The following OXR1 variants were observed in gnomAD, a reference collection of about 807,000 sequenced individuals.
OXR1 encodes the protein oxidation resistance 1, also known as oxidation resistance protein 1.
OXR1 carries 41 observed loss-of-function variants against 104.6 expected under a neutral mutation model. The observed-to-expected ratio is 0.39, with a 90% CI of 0.31 to 0.51. OXR1 has a LOEUF of 0.51. OXR1 is among the 20% of genes least tolerant of loss of function. The pLI, the probability that OXR1 is intolerant of heterozygous loss-of-function variation, is 0.77. For synonymous variants in OXR1, 348 were observed against 348.4 expected (o/e 1.00, Z 0.01); for missense variants, 955 against 1,031.9 (o/e 0.93, Z 1.02).
chr8:106,581,269 T>C, intron 3 of OXR1: 3 of 1,282,552 alleles, frequency 2.3e-6, no homozygotes, highest in Middle Eastern at 2.1e-4. Flanking sequence ...TCTGAAATCA[T>C]GCCTTTCTAT....
chr8:106,599,851 G>T (rs1373202566), intron 3 of OXR1, among the ~76,000 whole-genome samples: 3 of 152,160 alleles, frequency 2.0e-5, no homozygotes, highest in Non-Finnish European at 4.4e-5. Context: ...GTTGGGGGTT[G>T]GGGAGATGGT....
rs143745978 is a variant in OXR1 at position 106,357,202 on chromosome 8, A to ATGTG, written c.-138-2260_-138-2257dup. Among the ~76,000 whole-genome samples, 414 of 150,808 alleles carry ATGTG rather than the reference A, an allele frequency of 2.7e-3. 1 individual carries two copies. The highest frequency in any genetic ancestry group is 9.7e-3 in the African/African-American group (398 of 41,116). On this transcript the variant is annotated intron_variant, in intron 1 of 16. Transcript: ENST00000517566. ...CAATATTCCATATATATGTGTATATATGTGTGTGTGTGTGTGTATATATAT... is the reference window on the plus strand; with the variant it reads ...CAATATTCCATATATATGTGTATATATGTGTGTGTGTGTGTGTGTGTATATATAT...
intron 3 of OXR1, among the ~76,000 whole-genome samples, chr8:106,642,928 T>A (rs1468351528): frequency 6.6e-6 from 1 of 152,190 alleles, no homozygotes; most frequent in African/African-American, 2.4e-5. Context: ...ATAAATGAGT[T>A]CTGGGTGATG....
intron 3 of OXR1, among the ~76,000 whole-genome samples, chr8:106,558,850 C>A (rs1205790881): frequency 1.3e-5 from 2 of 152,118 alleles, no homozygotes; most frequent in Non-Finnish European, 2.9e-5. Context: ...GTCTGTCCAT[C>A]CCTCCTACCC....
At chr8:106,525,907 C>A (rs1283616223) in intron 3 of OXR1, among the ~76,000 whole-genome samples, 1 of 152,160 alleles carries the variant, frequency 6.6e-6, no homozygotes, top group Non-Finnish European at 1.5e-5. Context: ...TTTACACAGC[C>A]ATTTATAGTC....
chr8:106,574,952 C>T (rs1263655054), intron 3 of OXR1, among the ~76,000 whole-genome samples: 1 of 152,138 alleles, frequency 6.6e-6, no homozygotes, highest in Non-Finnish European at 1.5e-5. Flanking sequence ...ATTAAGTTAT[C>T]TTTAGTTGGT....
intron 2 of OXR1, among the ~76,000 whole-genome samples, chr8:106,361,724 T>C (rs543109715): frequency 2.0e-5 from 3 of 152,328 alleles, no homozygotes; most frequent in African/African-American, 4.8e-5. Flanking sequence ...CATCATTACA[T>C]TAATTTAGTT....
At chr8:106,426,218 G>A (rs1016729883) in intron 2 of OXR1, among the ~76,000 whole-genome samples, 1 of 152,034 alleles carries the variant, frequency 6.6e-6, no homozygotes, top group Non-Finnish European at 1.5e-5. Context: ...GAGGTACTTA[G>A]AACAGGACCT....
At chr8:106,316,115 T>C (rs1813926168) in intron 1 of OXR1, among the ~76,000 whole-genome samples, 1 of 152,232 alleles carries the variant, frequency 6.6e-6, no homozygotes, top group African/African-American at 2.4e-5. Flanking sequence ...TTCACTGATG[T>C]GGCTCAACAT....
chr8:106,652,582 A>G (rs1357378688), intron 3 of OXR1, among the ~76,000 whole-genome samples: 2 of 152,040 alleles, frequency 1.3e-5, no homozygotes, highest in East Asian at 3.8e-4. Flanking sequence ...AAACTAAAGT[A>G]CAATATACCA....
At chr8:106,379,572 T>C (rs1417050230) in intron 2 of OXR1, among the ~76,000 whole-genome samples, 1 of 140,764 alleles carries the variant, frequency 7.1e-6, no homozygotes, top group Non-Finnish European at 1.5e-5. Context: ...AGAGTCTCTC[T>C]CTGTCACCCC....
intron 2 of OXR1, among the ~76,000 whole-genome samples, chr8:106,456,403 A>G (rs553333243): frequency 9.1e-4 from 138 of 152,332 alleles, no homozygotes; most frequent in Non-Finnish European, 1.6e-3. Flanking sequence ...AACATTATTT[A>G]TCTTAAAAAA....
At chr8:106,344,360 C>A (rs145798097) in intron 1 of OXR1, among the ~76,000 whole-genome samples, 1 of 152,068 alleles carries the variant, frequency 6.6e-6, no homozygotes, top group African/African-American at 2.4e-5. Context: ...TTTTTTGAGA[C>A]GGTGTCTCGC....
intron 2 of OXR1, among the ~76,000 whole-genome samples, chr8:106,383,526 G>T (rs1160673454): frequency 6.6e-6 from 1 of 152,108 alleles, no homozygotes; most frequent in Non-Finnish European, 1.5e-5. Context: ...AAATCTATAA[G>T]GATTATTTTG....
intron 11 of OXR1, among the ~76,000 whole-genome samples, chr8:106,715,091 A>T (rs1310301116): frequency 1.3e-5 from 2 of 152,162 alleles, no homozygotes; most frequent in African/African-American, 2.4e-5. Context: ...AGAATGGATG[A>T]ATACATTTTT....
At chr8:106,657,705 A>T (rs1412407306) in intron 3 of OXR1, 3 of 428,034 alleles carry the variant, frequency 7.0e-6, no homozygotes, top group Non-Finnish European at 1.1e-5. Flanking sequence ...GAATACACCT[A>T]TGTGACAAGC....
intron 2 of OXR1, among the ~76,000 whole-genome samples, chr8:106,482,376 C>A (rs1822179728): frequency 6.8e-6 from 1 of 146,716 alleles, no homozygotes; most frequent in African/African-American, 2.5e-5. Context: ...GATGATGAGG[C>A]AGTGTGGGAT....
intron 1 of OXR1, among the ~76,000 whole-genome samples, chr8:106,315,530 T>C (rs1444300782): frequency 1.3e-5 from 2 of 152,336 alleles, no homozygotes; most frequent in East Asian, 3.9e-4. Flanking sequence ...TCTTTTCTGA[T>C]ACTAAGACAA....
intron 2 of OXR1, among the ~76,000 whole-genome samples, chr8:106,381,240 A>G (rs190102801): frequency 1.2e-4 from 19 of 152,314 alleles, no homozygotes; most frequent in Admixed American, 2.0e-4. Flanking sequence ...GGAATGATGG[A>G]ACAATAAGCA....
Sources: gnomAD v4.1 joint callset for allele counts (sites outside exome capture counted in the v4.1 genomes callset) on GRCh38, gnomAD v4.1.1 for gene constraint, MANE v1.5 for transcripts, NCBI Gene and HGNC (gene_info 2026-07-23, HGNC 2026-07-21) for gene names.